The following FBXO6 variants were observed in gnomAD, a reference collection of about 807,000 sequenced individuals.
The protein encoded by FBXO6 is F-box only protein 6.
In FBXO6, 13 loss-of-function variants were observed where a neutral mutation model predicts 25.0. The ratio of observed to expected loss-of-function variants is 0.52; its 90% CI spans 0.34 to 0.83. FBXO6 has a LOEUF of 0.83. FBXO6 is among the 40% of genes least tolerant of loss of function. The pLI, the probability that FBXO6 is intolerant of heterozygous loss-of-function variation, is 0.02. For missense variants in FBXO6, 370 were observed against 380.2 expected, an observed-to-expected ratio of 0.97 and a Z score of 0.22; for synonymous variants, 138 against 155.3, an observed-to-expected ratio of 0.89 and a Z score of 0.83.
chr1:11,670,022 C>A (rs1218280854), intron 2 of FBXO6, among the ~76,000 whole-genome samples: 1 of 148,326 alleles, frequency 6.7e-6, no homozygotes, highest in Non-Finnish European at 1.5e-5. Flanking sequence ...ACCATCCTGG[C>A]CAACAAGGTG....
chr1:11,672,795 G>A (rs933734917), intron 4 of FBXO6, among the ~76,000 whole-genome samples: 10 of 152,240 alleles, frequency 6.6e-5, no homozygotes, highest in African/African-American at 2.2e-4. Context: ...GTTCTAGGCA[G>A]GCCCCAGGGC....
At chr1:11,670,145 G>A (rs1352419821) in intron 2 of FBXO6, among the ~76,000 whole-genome samples, 28 of 150,854 alleles carry the variant, frequency 1.9e-4, no homozygotes, top group African/African-American at 5.6e-4. Context: ...CCTGGGAGGC[G>A]GAGCTTGCAG....
At chr1:11,667,364 G>A (rs887899208) in intron 1 of FBXO6, among the ~76,000 whole-genome samples, 4 of 152,162 alleles carry the variant, frequency 2.6e-5, no homozygotes, top group African/African-American at 7.2e-5. Context: ...TCAGGCCAGG[G>A]CTGTGGCACT....
At position 11,671,304 on chromosome 1, in the gene FBXO6, G is replaced by A; in HGVS notation, c.325G>A (p.Asp109Asn). Residue 109 changes from aspartate to asparagine, a missense_variant, in exon 3 of 6, where the codon GAC (aspartate) becomes AAC (asparagine). Asp to Asn is a conservative substitution (Grantham distance 23). Transcript: ENST00000376753. The stretch of plus-strand genomic sequence containing the variant: ...ATGGCAAATTGATTTCAATGGTGGG[G>A]ACCGCTGGAAGGTGGAGAGCCTCCC... ...FAWQIDFNGGDRWKVESLPGA... is the reference protein window; with the variant it reads ...FAWQIDFNGGNRWKVESLPGA... The A allele has an allele frequency of 1.2e-6, 2 of 1,614,108 alleles. No homozygotes were observed. Among genetic ancestry groups the A allele is most frequent in the Non-Finnish European group, 1.7e-6 (2 of 1,179,982 alleles).
At chr1:11,666,633 C>T (rs558113226) in intron 1 of FBXO6, among the ~76,000 whole-genome samples, 80 of 152,180 alleles carry the variant, frequency 5.3e-4, no homozygotes, top group Middle Eastern at 3.4e-3. Flanking sequence ...CCGCACCCCT[C>T]GGCCTCCCAA....
rs1640692819 is a variant in FBXO6, at chr1:11,673,654, T to C, written c.685T>C (p.Tyr229His). Residue 229 changes from tyrosine (Y) to histidine (H), a missense_variant, in exon 6 of 6, where the codon TAC (tyrosine) becomes CAC (histidine). Physicochemically the swap from Tyr to His is moderately conservative, Grantham distance 83. Coordinates refer to ENST00000376753, the MANE Select transcript of FBXO6 (RefSeq NM_018438.6). This position sits in a 1 kb window ranked among gnomAD's most constrained non-coding sequence, Gnocchi z 4.3. ...TFSDYPRGVR[Y>H]ILFQHGGRDT... The stretch of plus-strand genomic sequence containing the variant: ...CTCAGACTACCCCCGGGGTGTCCGC[T>C]ACATCCTCTTCCAGCATGGGGGCAG... 1.9e-6 allele frequency: 3 copies of C among 1,614,034 alleles called. No individual in the cohort carries two copies. The East Asian group carries it at 6.7e-5, about 36-fold the overall frequency.
rs1640685746 is a variant in FBXO6 at position 11,673,471 on chromosome 1, A to G, written c.645+59A>G. On this transcript the variant is annotated intron_variant, in intron 5 of 5. Transcript: ENST00000376753. The surrounding 1 kb of genome is among the most constrained non-coding windows in gnomAD (Gnocchi z 4.3). ...TCCTCCCAGGGCCAGGATGGCAGGA[A>G]GCAAAGGGCAGCCTCAGGGCCCAGG... The G allele has an allele frequency of 6.3e-7, 1 of 1,596,958 alleles. No homozygotes were observed. The highest frequency in any genetic ancestry group is 8.6e-7 in the Non-Finnish European group (1 of 1,169,504).
At chr1:11,669,198 G>A (rs1004422445) in intron 2 of FBXO6, among the ~76,000 whole-genome samples, 3 of 152,200 alleles carry the variant, frequency 2.0e-5, no homozygotes, top group African/African-American at 7.2e-5. Flanking sequence ...AGGCGCGGTG[G>A]CTCACGCCTG....
intron 4 of FBXO6, among the ~76,000 whole-genome samples, chr1:11,672,796 G>A (rs1417657050): frequency 6.6e-6 from 1 of 152,224 alleles, no homozygotes; most frequent in African/African-American, 2.4e-5. Flanking sequence ...TTCTAGGCAG[G>A]CCCCAGGGCT....
rs754366607 is a variant in FBXO6, at chr1:11,673,841, A to C, written c.872A>C (p.Gln291Pro). 14 of 1,614,014 alleles carry C rather than the reference A, an allele frequency of 8.7e-6. No homozygotes were observed. The highest frequency in any genetic ancestry group is 1.2e-5 in the Non-Finnish European group (14 of 1,179,976). ...AAQSPYRAVV[Q>P]IF is the part of the protein sequence containing the mutation. ...CAATCGCCCTACCGAGCTGTTGTCC[A>C]GATTTTCTGACAGCTGTCCATCCTG... The change falls in exon 6 of 6, where the codon CAG (glutamine) becomes CCG (proline). Residue 291 changes from glutamine (Q) to proline (P), a missense_variant. Transcript: ENST00000376753. This position sits in a 1 kb window ranked among gnomAD's most constrained non-coding sequence, Gnocchi z 4.3.
chr1:11,665,215 CTTTTTTTTTTTTTTTT>C, intron 1 of FBXO6, among the ~76,000 whole-genome samples: 1 of 61,588 alleles, frequency 1.6e-5, no homozygotes, highest in East Asian at 5.0e-4. Context: ...TAGCTAATTT[CTTTTTTTTTTTTTTTT>C]TTTTTTTTTT....
At chr1:11,672,432 GC>G (rs1640643353) in intron 4 of FBXO6, among the ~76,000 whole-genome samples, 1 of 151,132 alleles carries the variant, frequency 6.6e-6, no homozygotes, top group Non-Finnish European at 1.5e-5. Context: ...GATTACAGGT[GC>G]CCACCACTAC....
chr1:11,668,007 G>A (rs1043200347), intron 1 of FBXO6, among the ~76,000 whole-genome samples: 23 of 150,164 alleles, frequency 1.5e-4, no homozygotes, highest in Non-Finnish European at 2.9e-5. Flanking sequence ...CAGGAGAATC[G>A]CTTGAACCCA....
At position 11,668,913 on chromosome 1, in the gene FBXO6, T is replaced by A. The variant is rs138242981; in HGVS notation, c.255T>A (p.His85Gln). ...TCTTCTACTTCCTACGGAGCCTGCA[T>A]AGGAACCTCCTGCGCAACCCGTGTG... ...WKIFYFLRSL[H>Q]RNLLRNPCAE... Residue 85 changes from histidine to glutamine, a missense_variant, in exon 2 of 6, where the codon CAT becomes CAA. By Grantham distance (24) the His-to-Gln change is conservative. Coordinates refer to ENST00000376753, the MANE Select transcript of FBXO6 (RefSeq NM_018438.6). The A allele has an allele frequency of 1.9e-6, 3 of 1,613,924 alleles. No individual in the cohort carries two copies. The highest frequency in any genetic ancestry group is 1.3e-5 in the African/African-American group (1 of 74,912).
Position 11,673,938 on chromosome 1 carries a change from C to A in FBXO6, c.*87C>A. The A allele has an allele frequency of 8.7e-7, 1 of 1,143,566 alleles. No homozygotes were observed. The highest frequency in any genetic ancestry group is 1.3e-5 in the South Asian group (1 of 76,290). 70.8% of individuals were successfully genotyped at this position (1,143,566 alleles called of 1,614,324 possible). A position where few individuals can be genotyped will look rare whatever the true frequency, so the allele number is the denominator to read the frequency against. ...GTGGGCAGTGAGGTCCCTGTACCAG[C>A]GACTCCTGCCCCGGTTCAACCCTAC... is the stretch of plus-strand genomic sequence containing the variant. On this transcript the variant is annotated 3_prime_UTR_variant, in exon 6 of 6. Coordinates refer to ENST00000376753, the MANE Select transcript of FBXO6 (RefSeq NM_018438.6). This position sits in a 1 kb window ranked among gnomAD's most constrained non-coding sequence, Gnocchi z 4.3.
intron 3 of FBXO6, among the ~76,000 whole-genome samples, 161 bp from the exon 4 acceptor site, chr1:11,671,767 G>A (rs1374710672): frequency 6.6e-6 from 1 of 152,190 alleles, no homozygotes; most frequent in Non-Finnish European, 1.5e-5. Flanking sequence ...TGGAGGAAAA[G>A]CCAGAGTCAG....
chr1:11,664,525 G>A (rs1159986122), intron 1 of FBXO6: 1 of 126,552 alleles, frequency 7.9e-6, no homozygotes, highest in African/African-American at 3.2e-5. Flanking sequence ...GCGGCCAGGG[G>A]TGGGGGGCGC....
chr1:11,672,022 T>C lies in FBXO6; in HGVS notation c.508T>C (p.Trp170Arg), dbSNP rs1640632912. Residue 170 changes from tryptophan (W) to arginine (R), a missense_variant and splice_region_variant, in exon 4 of 6, where the codon TGG becomes CGG. Transcript: ENST00000376753. ...TFRPDIVVKD[W>R]FAARADCGCT... ...CCGGCCGGACATCGTGGTTAAGGAC[T>C]GGTGAGTAGGGTCCATGGCCTGTGT... The C allele has an allele frequency of 6.2e-7, 1 of 1,613,356 alleles. No homozygotes were observed. Among genetic ancestry groups the C allele is most frequent in the Admixed American group, 1.7e-5 (1 of 60,000 alleles).
chr1:11,672,515 C>G (rs1301562123), intron 4 of FBXO6, among the ~76,000 whole-genome samples: 1 of 152,152 alleles, frequency 6.6e-6, no homozygotes, highest in Non-Finnish European at 1.5e-5. Flanking sequence ...GTTTCAAACT[C>G]CTGACCTCAA....
Sources: allele counts gnomAD v4.1 joint callset (sites outside exome capture counted in the v4.1 genomes callset), GRCh38; gene constraint gnomAD v4.1.1; non-coding constraint Gnocchi (gnomAD v3.1); transcripts MANE v1.5; gene names NCBI Gene and HGNC (gene_info 2026-07-23, HGNC 2026-07-21).